The following NOCT variants were observed in gnomAD, a reference collection of about 807,000 sequenced individuals.
NOCT encodes the protein CCR4 carbon catabolite repression 4-like.
NOCT carries 18 observed loss-of-function variants against 35.0 expected under a neutral mutation model. The observed-to-expected ratio is 0.51, with a 90% confidence interval of 0.36 to 0.76. NOCT has a LOEUF of 0.76. NOCT is among the 30% of genes least tolerant of loss of function. The probability of loss-of-function intolerance (pLI) is 0.01; values close to 1 mark genes in which losing one functional copy is unlikely to be tolerated. For synonymous variants in NOCT, 235 were observed against 226.3 expected (o/e 1.04, Z -0.34); for missense variants, 479 against 541.0 (o/e 0.89, Z 1.14).
At chr4:139,038,682 GA>G (rs1434131508) in intron 1 of NOCT, among the ~76,000 whole-genome samples, 1 of 152,048 alleles carries the variant, frequency 6.6e-6, no homozygotes, top group Non-Finnish European at 1.5e-5. Context: ...TGAAACTTAT[GA>G]AAAAAGTTTA....
rs770981949 is a variant in NOCT at position 139,045,384 on chromosome 4, C to G, written c.1206C>G (p.Pro402=). The G allele has an allele frequency of 3.7e-6, 6 of 1,613,938 alleles. No homozygotes were observed. Among genetic ancestry groups the G allele is most frequent in the East Asian group, 2.2e-5 (1 of 44,896 alleles). ...TGCTCACTGAAGAACAGATTGGACCCAACAGGTTACCTTCCTTCAATTATC... is the reference window on the plus strand; with the variant it reads ...TGCTCACTGAAGAACAGATTGGACCGAACAGGTTACCTTCCTTCAATTATC... ...LDLLTEEQIG[P]NRLPSFNYPS... Residue 402 remains proline, a synonymous_variant, in exon 3 of 3, where the codon CCC becomes CCG. Transcript: ENST00000280614.
At chr4:139,021,916 G>T (rs146907510) in intron 1 of NOCT, among the ~76,000 whole-genome samples, 3 of 152,060 alleles carry the variant, frequency 2.0e-5, no homozygotes, top group African/African-American at 7.2e-5. Flanking sequence ...GCGCCACCAT[G>T]CCCGGCTAAT....
Position 139,031,276 on chromosome 4 carries a change from A to C in NOCT, c.191-11798A>C, listed in dbSNP as rs111665305. ...GCCATTCTCCTGCCTCAGCCTCCTG[A>C]GTAGCTGGGACAACAGGCACCCACC... On this transcript the variant is annotated intron_variant, in intron 1 of 2. Coordinates refer to ENST00000280614, the MANE Select transcript of NOCT (RefSeq NM_012118.4). Among the ~76,000 whole-genome samples the C allele has an allele frequency of 3.1e-3, 466 of 151,882 alleles. 2 individuals are homozygous for C. The highest frequency in any genetic ancestry group is 0.011 in the African/African-American group (436 of 41,404).
chr4:139,021,719 G>A (rs1192282924), intron 1 of NOCT, among the ~76,000 whole-genome samples: 1 of 151,068 alleles, frequency 6.6e-6, no homozygotes, highest in Non-Finnish European at 1.5e-5. Flanking sequence ...TACAGCGTCT[G>A]TATTTGCTGT....
At position 139,044,780 on chromosome 4, in the gene NOCT, A is replaced by T; in HGVS notation, c.602A>T (p.Asp201Val). 1 of 1,614,130 alleles carries T rather than the reference A, an allele frequency of 6.2e-7. No individual in the cohort carries two copies. The highest frequency in any genetic ancestry group is 1.1e-5 in the South Asian group (1 of 91,080). The change falls in exon 3 of 3, where the codon GAC becomes GTC. Residue 201 changes from aspartate (D) to valine (V), a missense_variant. Transcript: ENST00000280614. ...LCLQEVDHYF[D>V]TFQPLLSRLG... ...CTCCAAGAGGTGGACCACTATTTTG[A>T]CACCTTCCAGCCACTCCTCAGTAGA...
chr4:139,039,184 A>AAAAAAAC (rs1344581497), intron 1 of NOCT, among the ~76,000 whole-genome samples: 2 of 150,864 alleles, frequency 1.3e-5, no homozygotes, highest in Non-Finnish European at 2.9e-5. Context: ...AAAAAAAAAA[A>AAAAAAAC]AAAGCCATTC....
At chr4:139,038,082 C>T (rs1726766704) in intron 1 of NOCT, among the ~76,000 whole-genome samples, 1 of 151,970 alleles carries the variant, frequency 6.6e-6, no homozygotes, top group Non-Finnish European at 1.5e-5. Context: ...AACCTGTAGT[C>T]CCAACTCCTC....
intron 1 of NOCT, among the ~76,000 whole-genome samples, chr4:139,030,963 C>A (rs1048756859): frequency 2.8e-4 from 42 of 152,096 alleles, no homozygotes; most frequent in African/African-American, 9.2e-4. Flanking sequence ...CAAGATAATC[C>A]TGGCTTTTGC....
chr4:139,030,913 C>T (rs776968568), intron 1 of NOCT, among the ~76,000 whole-genome samples: 14 of 152,108 alleles, frequency 9.2e-5, no homozygotes, highest in Non-Finnish European at 2.1e-4. Context: ...TTTCCTCGGG[C>T]GGAGGTTGAT....
At chr4:139,043,752 C>A (rs1726881996) in intron 2 of NOCT, 1 of 154,798 alleles carries the variant, frequency 6.5e-6, no homozygotes, top group Non-Finnish European at 1.4e-5. Flanking sequence ...CCCGTTTCTA[C>A]TAAAAATACA....
chr4:139,038,251 G>C (rs1336450956), intron 1 of NOCT, among the ~76,000 whole-genome samples: 1 of 151,942 alleles, frequency 6.6e-6, no homozygotes, highest in Non-Finnish European at 1.5e-5. Context: ...AGCAGGTCTA[G>C]AGAGTTGTGG....
At chr4:139,018,834 G>T (rs1726361577) in intron 1 of NOCT, among the ~76,000 whole-genome samples, 1 of 152,164 alleles carries the variant, frequency 6.6e-6, no homozygotes, top group Non-Finnish European at 1.5e-5. Context: ...TCCCTTTTGG[G>T]CTTCTAGAAA....
At chr4:139,040,066 A>G (rs1309818116) in intron 1 of NOCT, among the ~76,000 whole-genome samples, 1 of 120,186 alleles carries the variant, frequency 8.3e-6, no homozygotes, top group Non-Finnish European at 1.7e-5. Context: ...TTTGAGACGG[A>G]GTCTCGGTCT....
intron 1 of NOCT, among the ~76,000 whole-genome samples, chr4:139,034,077 A>G (rs1259290109): frequency 6.6e-6 from 1 of 152,194 alleles, no homozygotes; most frequent in African/African-American, 2.4e-5. Flanking sequence ...GTTAAAGTTC[A>G]GGAGGCTGGG....
intron 1 of NOCT, among the ~76,000 whole-genome samples, chr4:139,032,464 G>A (rs1726643781): frequency 6.6e-6 from 1 of 152,060 alleles, no homozygotes; most frequent in Non-Finnish European, 1.5e-5. Context: ...AAGCCAGCCT[G>A]GGACGCTTAG....
intron 1 of NOCT, among the ~76,000 whole-genome samples, chr4:139,031,122 G>A (rs1726615459): frequency 6.6e-6 from 1 of 151,928 alleles, no homozygotes; most frequent in Non-Finnish European, 1.5e-5. Context: ...GTGTGGAGCT[G>A]TGGAGAGTGG....
intron 1 of NOCT, among the ~76,000 whole-genome samples, chr4:139,029,059 A>G (rs945533374): frequency 2.3e-4 from 35 of 152,018 alleles, no homozygotes; most frequent in Admixed American, 6.6e-4. Context: ...GGCTGGTCTC[A>G]AACTCCTGAC....
At chr4:139,042,570 T>C (rs571387618) in intron 1 of NOCT, among the ~76,000 whole-genome samples, 1 of 152,318 alleles carries the variant, frequency 6.6e-6, no homozygotes, top group South Asian at 2.1e-4. Context: ...TTAAATTAAC[T>C]GTCCTAGTAG....
intron 1 of NOCT, 68 bp downstream of exon 1, chr4:139,016,239 G>A (rs1445755369): frequency 1.9e-6 from 2 of 1,073,232 alleles, no homozygotes; most frequent in South Asian, 4.7e-5. Flanking sequence ...CCTGGAGACC[G>A]CGCGGAATGA....
Sources: allele counts gnomAD v4.1 joint callset (sites outside exome capture counted in the v4.1 genomes callset), GRCh38; gene constraint gnomAD v4.1.1; transcripts MANE v1.5; gene names NCBI Gene and HGNC (gene_info 2026-07-23, HGNC 2026-07-21).